The following GBP7 variants were observed in gnomAD, a reference collection of about 807,000 sequenced individuals.
GBP7 encodes the protein guanylate-binding protein 7.
A neutral mutation model predicts 61.3 loss-of-function variants in GBP7; 43 were observed. That is an observed-to-expected ratio of 0.70 (90% confidence interval 0.55 to 0.91). The LOEUF is 0.91. GBP7 is among the 40% of genes least tolerant of loss of function. The pLI, the probability that GBP7 is intolerant of heterozygous loss-of-function variation, is 0.00. For synonymous variants in GBP7, 267 were observed against 271.0 expected, an observed-to-expected ratio of 0.99 and a Z score of 0.14; for missense variants, 717 against 740.5, an observed-to-expected ratio of 0.97 and a Z score of 0.37.
chr1:89,160,480 T>C (rs606285), intron 3 of GBP7, among the ~76,000 whole-genome samples: 112,140 of 152,062 alleles, frequency 0.74, 41,659 homozygotes, highest in African/African-American at 0.81. Flanking sequence ...CCAGCTTGAC[T>C]GCTGGTAGCT....
chr1:89,147,521 T>A, intron 8 of GBP7, 46 bp downstream of exon 8: 2 of 1,492,558 alleles, frequency 1.3e-6, no homozygotes, highest in Non-Finnish European at 1.9e-6. Context: ...ACGAAGACCC[T>A]CTGACTATCC....
At chr1:89,153,027 A>G (rs1314337787) in intron 3 of GBP7, among the ~76,000 whole-genome samples, 3 of 152,250 alleles carry the variant, frequency 2.0e-5, no homozygotes, top group Non-Finnish European at 2.9e-5. Flanking sequence ...TATAAAGCCA[A>G]TCACACGATA....
At chr1:89,137,970 G>A (rs1681846399) in intron 9 of GBP7, among the ~76,000 whole-genome samples, 1 of 151,992 alleles carries the variant, frequency 6.6e-6, no homozygotes, top group Non-Finnish European at 1.5e-5. Flanking sequence ...AAAAGTAAAT[G>A]TACAAAAATA....
intron 3 of GBP7, 146 bp from the exon 4 acceptor site, chr1:89,152,923 T>C (rs1338529116): frequency 1.9e-6 from 1 of 513,252 alleles, no homozygotes; most frequent in Non-Finnish European, 3.3e-6. Context: ...ATGTAAGCTT[T>C]ATATGCTTGC....
At chr1:89,160,755 A>T (rs1647236386) in intron 3 of GBP7, among the ~76,000 whole-genome samples, 2 of 152,094 alleles carry the variant, frequency 1.3e-5, no homozygotes, top group African/African-American at 2.4e-5. Flanking sequence ...TAAAAACAAC[A>T]CTTAAAAAAA....
chr1:89,135,945 C>T (rs1465898907), intron 9 of GBP7, among the ~76,000 whole-genome samples: 1 of 152,004 alleles, frequency 6.6e-6, no homozygotes, highest in South Asian at 2.1e-4. Flanking sequence ...CACCAATAGG[C>T]TCAAAGTAAA....
chr1:89,132,108 A>T lies in GBP7; in HGVS notation c.*41T>A, dbSNP rs1168078142. The stretch of plus-strand genomic sequence containing the variant: ...AAACTGCAATAACACATATACTTTT[A>T]AAATGAGCAACAGCGTTATACCATT... On this transcript the variant is annotated 3_prime_UTR_variant, in exon 11 of 11. Coordinates refer to ENST00000294671, the MANE Select transcript of GBP7 (RefSeq NM_207398.3). 4 of 1,521,572 alleles carry T rather than the reference A, an allele frequency of 2.6e-6. No homozygotes were observed. The highest frequency in any genetic ancestry group is 3.5e-6 in the Non-Finnish European group (4 of 1,129,828). 94.3% of individuals were successfully genotyped at this position (1,521,572 alleles called of 1,614,324 possible).
In GBP7 at chr1:89,143,368, T is replaced by C. The variant is rs1681995851; in HGVS notation, c.1366-1720A>G. ...TAGTGACTTATGAAGTAAAAAATCA[T>C]ACTCAGATTTGATATATGTATCTTT... is the stretch of plus-strand genomic sequence containing the variant. On this transcript the variant is annotated intron_variant, in intron 8 of 10. Transcript: ENST00000294671. Among the ~76,000 whole-genome samples the C allele has an allele frequency of 2.0e-5, 3 of 152,328 alleles. No individual in the cohort carries two copies. In the South Asian group the frequency reaches 6.2e-4, roughly 32 times the overall value.
At chr1:89,171,122 C>A (rs1350579065) in intron 2 of GBP7, among the ~76,000 whole-genome samples, 1 of 152,108 alleles carries the variant, frequency 6.6e-6, no homozygotes, top group South Asian at 2.1e-4. Flanking sequence ...ATATTCATTT[C>A]TTTGGAGAGT....
intron 9 of GBP7, among the ~76,000 whole-genome samples, chr1:89,140,075 G>C (rs192498750): frequency 6.6e-6 from 1 of 152,090 alleles, no homozygotes; most frequent in South Asian, 2.1e-4. Context: ...GGATTGAGAA[G>C]ATGTGGCACA....
rs1225560238 is a variant in GBP7, at chr1:89,147,888, T to C, written c.1153-109A>G. The stretch of plus-strand genomic sequence containing the variant: ...CTCATGGCCTCAGAGCAGGCTGAGT[T>C]ACGGTGTAGACTAAGAGTCAGAAGA... On this transcript the variant is annotated intron_variant, in intron 7 of 10. Coordinates refer to ENST00000294671, the MANE Select transcript of GBP7 (RefSeq NM_207398.3). 7 of 1,101,638 alleles carry C rather than the reference T, an allele frequency of 6.4e-6. No homozygotes were observed. The East Asian group carries it at 1.7e-4, about 26-fold the overall frequency. The allele number at this position is 1,101,638 out of a possible 1,614,324, so 68.2% of individuals were successfully genotyped here. A position where few individuals can be genotyped will look rare whatever the true frequency, so the allele number is the denominator to read the frequency against.
At chr1:89,168,131 C>T (rs895814009) in intron 2 of GBP7, among the ~76,000 whole-genome samples, 2 of 152,120 alleles carry the variant, frequency 1.3e-5, no homozygotes, top group African/African-American at 2.4e-5. Context: ...ATCTCAGAAA[C>T]AATGAGATGT....
chr1:89,134,684 C>CA (rs1681757645), intron 9 of GBP7, among the ~76,000 whole-genome samples: 1 of 150,010 alleles, frequency 6.7e-6, no homozygotes, highest in Non-Finnish European at 1.5e-5. Flanking sequence ...AAATAAAAGC[C>CA]AAAAACCCCA....
In GBP7 at chr1:89,138,175, AATT is replaced by A. The variant is rs148425794; in HGVS notation, c.1468+3368_1468+3370del. ...TCTGAGACTGCACAAACAAATGGAA[AATT>A]ATTTCATGCATATGGATAGGAAGAA... On this transcript the variant is annotated intron_variant, in intron 9 of 10. Transcript: ENST00000294671. 2.3e-3 allele frequency among the ~76,000 whole-genome samples: 349 copies of A among 152,270 alleles called. 2 individuals are homozygous for A. The highest frequency in any genetic ancestry group is 8.1e-3 in the African/African-American group (337 of 41,570).
At chr1:89,154,807 A>AAAAAT (rs5776012) in intron 3 of GBP7, among the ~76,000 whole-genome samples, 111,406 of 151,336 alleles carry the variant, frequency 0.74, 41,299 homozygotes, top group African/African-American at 0.81. Context: ...AAAATTTAAA[A>AAAAAT]AAAATAAAGA....
chr1:89,132,159 A>G lies in GBP7; in HGVS notation c.1907T>C (p.Ile636Thr), dbSNP rs1345839903. The change falls in exon 11 of 11, where the codon ATT becomes ACT. Residue 636 changes from isoleucine to threonine, a missense_variant. Coordinates refer to ENST00000294671, the MANE Select transcript of GBP7 (RefSeq NM_207398.3). ...CNRLRNPGKK[I>T]IS The stretch of plus-strand genomic sequence containing the variant: ...TTAACAAAAGAAACCTCAGCTTATA[A>G]TTTTCTTACCAGGATTTCTCAGCCT... 6.2e-7 allele frequency: 1 copy of G among 1,604,530 alleles called. No homozygotes were observed. The highest frequency in any genetic ancestry group is 1.1e-5 in the South Asian group (1 of 88,986).
chr1:89,174,711 G>A (rs1412166323), intron 1 of GBP7, among the ~76,000 whole-genome samples: 1 of 152,164 alleles, frequency 6.6e-6, no homozygotes, highest in African/African-American at 2.4e-5. Flanking sequence ...GCATTCACAC[G>A]TTATTCATGC....
rs751974166 is a variant in GBP7, at chr1:89,164,843, CAGCCCAG to C, written c.199_205del (p.Leu67AlafsTer3). On this transcript the variant is annotated frameshift_variant, in exon 3 of 11. Coordinates refer to ENST00000294671, the MANE Select transcript of GBP7 (RefSeq NM_207398.3). LOFTEE classifies it high-confidence loss of function. Reference sequence around the variant, plus strand: ...GCCTTTGGTTTCAGACTTCACTGTGCAGCCCAGAGGGAAGCCTTCAAGGGAAGAGGAG... The same window carrying C: ...GCCTTTGGTTTCAGACTTCACTGTGCAGGGAAGCCTTCAAGGGAAGAGGAG... The C allele has an allele frequency of 1.2e-6, 2 of 1,613,602 alleles. No homozygotes were observed. The highest frequency in any genetic ancestry group is 1.7e-6 in the Non-Finnish European group (2 of 1,179,684).
intron 3 of GBP7, among the ~76,000 whole-genome samples, chr1:89,163,731 G>A (rs113873870): frequency 2.7e-3 from 415 of 152,034 alleles, no homozygotes; most frequent in Non-Finnish European, 4.8e-3. Context: ...TTTTGTGTGG[G>A]GCTAGCTCAC....
Sources: gnomAD v4.1 joint callset for allele counts (sites outside exome capture counted in the v4.1 genomes callset) on GRCh38, gnomAD v4.1.1 for gene constraint, MANE v1.5 for transcripts, NCBI Gene and HGNC (gene_info 2026-07-23, HGNC 2026-07-21) for gene names.